Variants in THSD4 observed in about 807,000 individuals in gnomAD.
THSD4 encodes thrombospondin type-1 domain-containing protein 4.
Under a neutral mutation model 119.0 loss-of-function variants are expected in THSD4, and 69 were observed. The ratio of observed to expected loss-of-function variants is 0.58; its 90% CI spans 0.48 to 0.71. The LOEUF (loss-of-function observed/expected upper bound fraction) is 0.71. Among genes scored for constraint, THSD4 ranks in the 30% least tolerant of loss-of-function variants. The pLI, the probability that THSD4 is intolerant of heterozygous loss-of-function variation, is 0.00. For missense variants in THSD4, 1,393 were observed against 1,391.1 expected (o/e 1.00, Z -0.02); for synonymous variants, 524 against 540.4 (o/e 0.97, Z 0.42).
upstream of THSD4, chr15:71,111,047 T>C: frequency 5.3e-6 from 7 of 1,313,324 alleles, no homozygotes; most frequent in Non-Finnish European, 7.3e-6. Flanking sequence ...ATCCGGGTGA[T>C]GCCTCTTGGC....
chr15:71,295,254 C>T (rs2044847565), intron 6 of THSD4, among the ~76,000 whole-genome samples: 1 of 152,078 alleles, frequency 6.6e-6, no homozygotes, highest in Non-Finnish European at 1.5e-5. Context: ...AGATGAGTCC[C>T]TAGGAAGTGA....
chr15:71,145,609 G>A (rs746080877), intron 2 of THSD4, among the ~76,000 whole-genome samples: 1 of 152,168 alleles, frequency 6.6e-6, no homozygotes, highest in Non-Finnish European at 1.5e-5. Flanking sequence ...AGGAGTAATT[G>A]AAAAAGATCC....
chr15:71,336,493 G>A (rs921444287), intron 6 of THSD4, among the ~76,000 whole-genome samples: 5 of 152,164 alleles, frequency 3.3e-5, no homozygotes, highest in Non-Finnish European at 7.3e-5. Flanking sequence ...TTTTCTTAAA[G>A]TTGAAGATCA....
chr15:71,440,936 C>T (rs1262253346), intron 7 of THSD4, among the ~76,000 whole-genome samples: 2 of 152,156 alleles, frequency 1.3e-5, no homozygotes, highest in Non-Finnish European at 2.9e-5. Context: ...AGACTCAGTT[C>T]TGAATCTGTT....
chr15:71,193,913 G>A (rs908539905), intron 3 of THSD4, among the ~76,000 whole-genome samples: 14 of 152,184 alleles, frequency 9.2e-5, no homozygotes, highest in South Asian at 2.1e-4. Context: ...GGGTTTCACC[G>A]TGTTAGCCAG....
intron 7 of THSD4, among the ~76,000 whole-genome samples, chr15:71,579,824 C>T (rs988403851): frequency 7.2e-5 from 11 of 152,040 alleles, no homozygotes; most frequent in Non-Finnish European, 1.2e-4. Flanking sequence ...CAAACCTGCC[C>T]AACTCTATGT....
intron 6 of THSD4, among the ~76,000 whole-genome samples, chr15:71,347,701 C>G (rs1022118122): frequency 6.6e-5 from 10 of 152,174 alleles, no homozygotes; most frequent in Admixed American, 5.9e-4. Context: ...CAGTTTCTCA[C>G]TTGTGCTAGC....
chr15:71,130,285 A>G (rs1223448355), intron 1 of THSD4, among the ~76,000 whole-genome samples: 2 of 152,190 alleles, frequency 1.3e-5, no homozygotes, highest in Admixed American at 6.5e-5. Flanking sequence ...TCTCCGGCTC[A>G]ATCGATCCTC....
intron 6 of THSD4, among the ~76,000 whole-genome samples, chr15:71,308,122 C>T (rs2045057626): frequency 6.6e-6 from 1 of 152,152 alleles, no homozygotes; most frequent in South Asian, 2.1e-4. Flanking sequence ...ACCCTGAATA[C>T]TGGGTGGTCT....
intron 7 of THSD4, among the ~76,000 whole-genome samples, chr15:71,426,689 A>G (rs529844745): frequency 6.6e-6 from 1 of 152,036 alleles, no homozygotes; most frequent in African/African-American, 2.4e-5. Context: ...ACTTAATGTG[A>G]CTCTTTGTGG....
intron 7 of THSD4, among the ~76,000 whole-genome samples, chr15:71,520,800 T>A (rs1381523426): frequency 6.6e-6 from 1 of 152,152 alleles, no homozygotes; most frequent in Non-Finnish European, 1.5e-5. Context: ...ATATAGTGAG[T>A]GGTGGACCTG....
chr15:71,116,773 G>C (rs2040366385), intron 1 of THSD4, among the ~76,000 whole-genome samples: 1 of 152,058 alleles, frequency 6.6e-6, no homozygotes, highest in Non-Finnish European at 1.5e-5. Context: ...GATTTTTCAA[G>C]GATCACACAG....
At chr15:71,610,364 T>C (rs1200315424) in intron 7 of THSD4, among the ~76,000 whole-genome samples, 1 of 152,176 alleles carries the variant, frequency 6.6e-6, no homozygotes, top group Non-Finnish European at 1.5e-5. Flanking sequence ...ATGTCACATT[T>C]CATAGATATA....
At chr15:71,618,527 T>A (rs1375149783) in intron 7 of THSD4, among the ~76,000 whole-genome samples, 1 of 151,874 alleles carries the variant, frequency 6.6e-6, no homozygotes, top group Admixed American at 6.5e-5. Context: ...ACAGGCTGCC[T>A]CTTGGGAGGG....
chr15:71,518,902 G>C (rs950262475), intron 7 of THSD4, among the ~76,000 whole-genome samples: 1 of 152,150 alleles, frequency 6.6e-6, no homozygotes, highest in Non-Finnish European at 1.5e-5. Context: ...CAACACTCCT[G>C]ATCTTATGGA....
intron 4 of THSD4, among the ~76,000 whole-genome samples, chr15:71,223,965 C>T: frequency 6.6e-6 from 1 of 152,080 alleles, no homozygotes. Context: ...CCTTGAGGGG[C>T]TCATGCTGGT....
At chr15:71,705,733 C>A (rs1404859015) in intron 8 of THSD4, among the ~76,000 whole-genome samples, 1 of 152,142 alleles carries the variant, frequency 6.6e-6, no homozygotes, top group Non-Finnish European at 1.5e-5. Flanking sequence ...TCAATGACTA[C>A]ATCATGGTCA....
At chr15:71,582,594 T>C (rs915101448) in intron 7 of THSD4, among the ~76,000 whole-genome samples, 8 of 152,206 alleles carry the variant, frequency 5.3e-5, no homozygotes, top group Non-Finnish European at 1.2e-4. Flanking sequence ...TTTGTCACTA[T>C]TGAGTATGGC....
chr15:71,540,126 T>C (rs1359346780), intron 7 of THSD4, among the ~76,000 whole-genome samples: 1 of 141,876 alleles, frequency 7.0e-6, no homozygotes, highest in Admixed American at 8.1e-5. Context: ...CATTATTTCA[T>C]TTTATTTACT....
Sources: allele counts gnomAD v4.1 joint callset (sites outside exome capture counted in the v4.1 genomes callset), GRCh38; gene constraint gnomAD v4.1.1; transcripts MANE v1.5; gene names NCBI Gene and HGNC (gene_info 2026-07-23, HGNC 2026-07-21).